WWC1: variants seen among roughly 807,000 people sequenced by gnomAD.
WWC1 encodes the protein protein KIBRA.
Under a neutral mutation model 138.4 loss-of-function variants are expected in WWC1, and 55 were observed. The ratio of observed to expected loss-of-function variants is 0.40; its 90% CI spans 0.32 to 0.50. The LOEUF (loss-of-function observed/expected upper bound fraction) is 0.50, where lower values mean the gene tolerates loss of function less well. WWC1 is among the 20% of genes least tolerant of loss of function. The pLI is 0.72. For missense variants in WWC1, 1,226 were observed against 1,420.4 expected (o/e 0.86, Z 2.20); for synonymous variants, 524 against 564.9 (o/e 0.93, Z 1.03).
chr5:168,433,019 T>G (rs2152862305), intron 15 of WWC1, among the ~76,000 whole-genome samples: 1 of 152,274 alleles, frequency 6.6e-6, no homozygotes, highest in African/African-American at 2.4e-5. Context: ...AACCCTTCTC[T>G]ATCATGGCAT....
chr5:168,447,791 CTT>C (rs1463000635), intron 17 of WWC1, among the ~76,000 whole-genome samples: 7 of 143,576 alleles, frequency 4.9e-5, no homozygotes, highest in Non-Finnish European at 7.5e-5. Flanking sequence ...CTCTCTCTTT[CTT>C]TCTCTCTCTC....
chr5:168,420,233 T>G (rs764793834), intron 9 of WWC1, among the ~76,000 whole-genome samples: 7 of 152,180 alleles, frequency 4.6e-5, no homozygotes, highest in Non-Finnish European at 7.3e-5. Flanking sequence ...TCTCACAGTC[T>G]GGAAGCTAAA....
chr5:168,336,419 A>G (rs1773458030), intron 1 of WWC1, among the ~76,000 whole-genome samples: 1 of 152,038 alleles, frequency 6.6e-6, no homozygotes, highest in African/African-American at 2.4e-5. Context: ...AAAAATACAA[A>G]AAATTAGCTG....
chr5:168,432,047 CA>C (rs10532675), intron 15 of WWC1, among the ~76,000 whole-genome samples: 41,963 of 111,282 alleles, frequency 0.38, 7,307 homozygotes, highest in African/African-American at 0.53. Context: ...AACCCTGTGT[CA>C]AAAAAAAAAA....
intron 15 of WWC1, among the ~76,000 whole-genome samples, chr5:168,437,166 C>T (rs1175214843): frequency 1.3e-5 from 2 of 152,190 alleles, no homozygotes; most frequent in Non-Finnish European, 1.5e-5. Flanking sequence ...CCCTCACCTC[C>T]TTCTGGACTT....
intron 1 of WWC1, among the ~76,000 whole-genome samples, chr5:168,332,318 T>A (rs1773097357): frequency 6.6e-6 from 1 of 151,998 alleles, no homozygotes; most frequent in African/African-American, 2.4e-5. Flanking sequence ...GAAAAGAGAG[T>A]CATATAATAA....
intron 1 of WWC1, among the ~76,000 whole-genome samples, chr5:168,355,979 G>C (rs564012503): frequency 2.0e-5 from 3 of 152,176 alleles, no homozygotes; most frequent in Middle Eastern, 3.4e-3. Flanking sequence ...CTCTTGGGGG[G>C]GCTGTGATGA....
At position 168,429,373 on chromosome 5, in the gene WWC1, C is replaced by T. The variant is rs558371212; in HGVS notation, c.2000+586C>T. Among the ~76,000 whole-genome samples the T allele has an allele frequency of 4.0e-5, 6 of 151,240 alleles. No individual in the cohort carries two copies. The South Asian group carries it at 1.3e-3, about 32-fold the overall frequency. ...TCCTGGGTTCAAGCGATTCTCCTGC[C>T]TCAGCCTCCCAAGTAGCTGGGATTA... On this transcript the variant is annotated intron_variant, in intron 13 of 22. Transcript: ENST00000265293.
At chr5:168,306,881 G>A (rs543640127) in intron 1 of WWC1, among the ~76,000 whole-genome samples, 1 of 152,184 alleles carries the variant, frequency 6.6e-6, no homozygotes, top group Non-Finnish European at 1.5e-5. Context: ...ATAGGCGTAA[G>A]CCACCACGCC....
chr5:168,305,155 A>G (rs1167546753), intron 1 of WWC1, among the ~76,000 whole-genome samples: 1 of 140,658 alleles, frequency 7.1e-6, no homozygotes, highest in Middle Eastern at 3.7e-3. Context: ...TTTAGTAGAG[A>G]TGGAGTTTTG....
At chr5:168,366,185 A>C (rs915196215) in intron 1 of WWC1, among the ~76,000 whole-genome samples, 2 of 152,204 alleles carry the variant, frequency 1.3e-5, no homozygotes, top group African/African-American at 4.8e-5. Flanking sequence ...GAGTGTGTGC[A>C]TGTATGTATG....
At chr5:168,468,194 C>G (rs1027163425) in intron 22 of WWC1, among the ~76,000 whole-genome samples, 3 of 152,238 alleles carry the variant, frequency 2.0e-5, no homozygotes, top group Non-Finnish European at 4.4e-5. Flanking sequence ...TTGTTAGATC[C>G]TCTTGTTTAA....
chr5:168,312,389 C>T (rs1237581931), intron 1 of WWC1, among the ~76,000 whole-genome samples: 1 of 152,082 alleles, frequency 6.6e-6, no homozygotes, highest in Non-Finnish European at 1.5e-5. Flanking sequence ...AGTAATTTGC[C>T]CAAGGTCGCA....
intron 1 of WWC1, among the ~76,000 whole-genome samples, chr5:168,324,650 CAAAT>C (rs1184207511): frequency 6.6e-6 from 1 of 151,080 alleles, no homozygotes; most frequent in African/African-American, 2.4e-5. Flanking sequence ...ACAGGTAAGA[CAAAT>C]AGACAACAAA....
chr5:168,370,454 A>G (rs1776667489), intron 1 of WWC1, among the ~76,000 whole-genome samples: 1 of 152,218 alleles, frequency 6.6e-6, no homozygotes, highest in African/African-American at 2.4e-5. Flanking sequence ...TCACTTTGCC[A>G]GTCTATAGAA....
intron 5 of WWC1, among the ~76,000 whole-genome samples, chr5:168,401,740 T>C (rs1779329215): frequency 6.6e-6 from 1 of 152,254 alleles, no homozygotes; most frequent in Admixed American, 6.5e-5. Flanking sequence ...TATATATGTG[T>C]GTATACATAT....
At chr5:168,371,574 T>C in intron 2 of WWC1, 41 bp downstream of exon 2, 1 of 1,467,154 alleles carries the variant, frequency 6.8e-7, no homozygotes, top group African/African-American at 1.4e-5. Flanking sequence ...GCCCTCTTCA[T>C]CCCTCCACCT....
chr5:168,469,964 G>T lies in WWC1; in HGVS notation c.*947G>T, dbSNP rs573633379. Reference sequence around the variant, plus strand: ...GAATCCACATCCCCAAGTTAGACTGGGGATATGCTCTCTGTACTGTCTCCT... The same window carrying T: ...GAATCCACATCCCCAAGTTAGACTGTGGATATGCTCTCTGTACTGTCTCCT... On this transcript the variant is annotated 3_prime_UTR_variant, in exon 23 of 23. Transcript: ENST00000265293. 6 of 152,152 alleles carry T rather than the reference G, an allele frequency of 3.9e-5. No individual in the cohort carries two copies. Among genetic ancestry groups the T allele is most frequent in the African/African-American group, 1.4e-4 (6 of 41,508 alleles). 9.4% of individuals were successfully genotyped at this position (152,152 alleles called of 1,614,324 possible).
intron 1 of WWC1, among the ~76,000 whole-genome samples, chr5:168,355,568 G>T (rs1455555280): frequency 6.7e-6 from 1 of 149,734 alleles, no homozygotes; most frequent in Non-Finnish European, 1.5e-5. Context: ...CAGGTGTGTA[G>T]ACAGGGACAG....
Sources: gnomAD v4.1 joint callset for allele counts (sites outside exome capture counted in the v4.1 genomes callset) on GRCh38, gnomAD v4.1.1 for gene constraint, MANE v1.5 for transcripts, NCBI Gene and HGNC (gene_info 2026-07-23, HGNC 2026-07-21) for gene names.